Variants in KIAA1671 observed in about 807,000 individuals in gnomAD.
The protein encoded by KIAA1671 is uncharacterized protein KIAA1671.
KIAA1671 carries 52 observed loss-of-function variants against 131.2 expected under a neutral mutation model. The observed-to-expected ratio is 0.40, with a 90% CI of 0.32 to 0.50. The LOEUF (loss-of-function observed/expected upper bound fraction) is 0.50. Among genes scored for constraint, KIAA1671 ranks in the 20% least tolerant of loss-of-function variants. The pLI, the probability that KIAA1671 is intolerant of heterozygous loss-of-function variation, is 0.73. For synonymous variants in KIAA1671, 1,003 were observed against 961.6 expected, an observed-to-expected ratio of 1.04 and a Z score of -0.80; for missense variants, 2,360 against 2,364.2, an observed-to-expected ratio of 1.00 and a Z score of 0.04.
At chr22:24,993,534 A>G (rs370811686) in intron 1 of KIAA1671, among the ~76,000 whole-genome samples, 8 of 151,902 alleles carry the variant, frequency 5.3e-5, no homozygotes, top group East Asian at 1.9e-4. Context: ...TGATCACCCA[A>G]TTTGTGCAGC....
At chr22:25,172,021 AAAGT>A (rs1195952702) in intron 7 of KIAA1671, among the ~76,000 whole-genome samples, 1 of 152,232 alleles carries the variant, frequency 6.6e-6, no homozygotes, top group Non-Finnish European at 1.5e-5. Context: ...TGGATAAGAA[AAAGT>A]AAAAGGAAAG....
chr22:25,079,173 T>C (rs944862520), intron 6 of KIAA1671, among the ~76,000 whole-genome samples: 4 of 152,090 alleles, frequency 2.6e-5, no homozygotes, highest in Middle Eastern at 3.2e-3. Context: ...CAGGCCCTGT[T>C]CTAAAGGTTT....
chr22:25,064,551 C>T (rs1439786439), intron 6 of KIAA1671: 1 of 152,218 alleles, frequency 6.6e-6, no homozygotes, highest in Non-Finnish European at 1.5e-5. Context: ...CATCCACACC[C>T]TTCCCCTGGG....
chr22:25,027,803 A>G (rs1926031568), intron 2 of KIAA1671, 142 bp from the exon 3 acceptor site: 2 of 483,254 alleles, frequency 4.1e-6, no homozygotes, highest in Non-Finnish European at 3.6e-6. Flanking sequence ...GGCAGGCCCA[A>G]GCCTGCCGGG....
At chr22:25,184,937 C>A (rs1934419732) in intron 10 of KIAA1671, 40 bp from the exon 11 acceptor site, 9 of 1,549,440 alleles carry the variant, frequency 5.8e-6, no homozygotes, top group Non-Finnish European at 6.1e-6. Context: ...CTTCCCCAGA[C>A]AAAGGGCAGC....
intron 1 of KIAA1671, among the ~76,000 whole-genome samples, chr22:24,980,820 C>T (rs1256353856): frequency 4.6e-5 from 7 of 151,130 alleles, no homozygotes; most frequent in Admixed American, 4.6e-4. Context: ...GATCTCAGCT[C>T]ACTGCAACCT....
intron 1 of KIAA1671, among the ~76,000 whole-genome samples, chr22:24,997,373 C>T (rs977709259): frequency 5.3e-5 from 8 of 152,150 alleles, no homozygotes; most frequent in East Asian, 1.9e-4. Flanking sequence ...CAGCTTTCTG[C>T]GGGTCTCTTT....
chr22:25,059,741 G>A (rs1473962552), intron 6 of KIAA1671: 1 of 152,198 alleles, frequency 6.6e-6, no homozygotes, highest in Non-Finnish European at 1.5e-5. Context: ...CCGGGAGGCT[G>A]GACAGCTTGT....
At chr22:25,044,845 C>T (rs16979467) in intron 5 of KIAA1671, among the ~76,000 whole-genome samples, 36,515 of 152,064 alleles carry the variant, frequency 0.24, 6,414 homozygotes, top group African/African-American at 0.5. Context: ...CATATTGCAA[C>T]AGTAGCGAAT....
intron 1 of KIAA1671, chr22:25,009,851 T>G (rs1924942878): frequency 6.6e-6 from 1 of 152,438 alleles, no homozygotes; most frequent in Admixed American, 6.5e-5. Flanking sequence ...CCCAAAGTGC[T>G]GGGATTACAG....
Position 25,039,221 on chromosome 22 carries a change from T to C in KIAA1671, c.2091T>C (p.Tyr697=). 1 of 1,552,236 alleles carries C rather than the reference T, an allele frequency of 6.4e-7. No homozygotes were observed. The change falls in exon 5 of 13, where the codon TAT becomes TAC. Residue 697 remains tyrosine (Y), a synonymous_variant. Coordinates refer to ENST00000358431, the MANE Select transcript of KIAA1671 (RefSeq NM_001145206.2). ...TTLLNGELRP[Y]HTPLRDKYPL... ...TTTTGAATGGTGAACTGAGACCGTA[T>C]CACACGCCTCTCCGGGACAAATACC...
intron 6 of KIAA1671, among the ~76,000 whole-genome samples, chr22:25,067,323 C>T (rs767661538): frequency 5.9e-5 from 9 of 152,140 alleles, no homozygotes; most frequent in Non-Finnish European, 1.0e-4. Flanking sequence ...ACCATTGTCA[C>T]TGCCACCTCC....
chr22:24,968,479 C>CT (rs1367944502), intron 1 of KIAA1671, among the ~76,000 whole-genome samples: 1 of 152,188 alleles, frequency 6.6e-6, no homozygotes, highest in African/African-American at 2.4e-5. Context: ...TGTCCTGGCT[C>CT]TGTTTTCTCC....
chr22:25,099,008 G>A (rs1306535362), intron 6 of KIAA1671, among the ~76,000 whole-genome samples: 1 of 152,188 alleles, frequency 6.6e-6, no homozygotes, highest in Admixed American at 6.5e-5. Flanking sequence ...ATGAGAGAGA[G>A]GTGGGGGCTG....
intron 6 of KIAA1671, among the ~76,000 whole-genome samples, chr22:25,134,171 C>G (rs1036231775): frequency 6.6e-6 from 1 of 152,196 alleles, no homozygotes; most frequent in Non-Finnish European, 1.5e-5. Flanking sequence ...TCAGCCTGAG[C>G]CTGGTTGGCC....
intron 1 of KIAA1671, among the ~76,000 whole-genome samples, chr22:25,020,604 G>A (rs1242532823): frequency 6.6e-6 from 1 of 152,172 alleles, no homozygotes; most frequent in Non-Finnish European, 1.5e-5. Flanking sequence ...GTATTCCTCA[G>A]TGCTGGGTGA....
chr22:24,960,546 CAAAAA>C (rs56207857), intron 1 of KIAA1671, among the ~76,000 whole-genome samples: 1 of 80,006 alleles, frequency 1.2e-5, no homozygotes, highest in Non-Finnish European at 2.8e-5. Flanking sequence ...GACTCCGTCT[CAAAAA>C]AAAAAAAAAA....
chr22:25,096,091 C>T (rs1415237541), intron 6 of KIAA1671, among the ~76,000 whole-genome samples: 3 of 152,154 alleles, frequency 2.0e-5, no homozygotes, highest in Admixed American at 6.6e-5. Context: ...TGTGATGAGT[C>T]GGGGAGAAAA....
intron 6 of KIAA1671, among the ~76,000 whole-genome samples, chr22:25,169,303 C>T (rs1933760501): frequency 6.6e-6 from 1 of 151,594 alleles, no homozygotes; most frequent in Non-Finnish European, 1.5e-5. Flanking sequence ...CCTATACTCC[C>T]AGCTACTTGG....
Sources: gnomAD v4.1 joint callset for allele counts (sites outside exome capture counted in the v4.1 genomes callset) on GRCh38, gnomAD v4.1.1 for gene constraint, MANE v1.5 for transcripts, NCBI Gene and HGNC (gene_info 2026-07-23, HGNC 2026-07-21) for gene names.